The following MBNL1 variants were observed in gnomAD, a reference collection of about 807,000 sequenced individuals.
The protein encoded by MBNL1 is muscleblind like splicing regulator 1.
Under a neutral mutation model 42.2 loss-of-function variants are expected in MBNL1, and 8 were observed. The observed-to-expected ratio is 0.19, with a 90% CI of 0.11 to 0.34. MBNL1 has a LOEUF of 0.34. MBNL1 is among the 10% of genes least tolerant of loss of function. The pLI is 1.00. For missense variants in MBNL1, 309 were observed against 495.3 expected (o/e 0.62, Z 3.57); for synonymous variants, 169 against 173.9 (o/e 0.97, Z 0.22).
At chr3:152,425,752 G>A (rs1415927637) in intron 3 of MBNL1, among the ~76,000 whole-genome samples, 1 of 152,176 alleles carries the variant, frequency 6.6e-6, no homozygotes, top group Non-Finnish European at 1.5e-5. Flanking sequence ...TACACTGTTG[G>A]GAGTGTAAAT....
intron 2 of MBNL1, among the ~76,000 whole-genome samples, chr3:152,389,573 T>C (rs1005980740): frequency 6.6e-6 from 1 of 152,194 alleles, no homozygotes; most frequent in Non-Finnish European, 1.5e-5. Flanking sequence ...GTACTGCGTG[T>C]AACTGTACTG....
rs186773081 is a variant in MBNL1 at position 152,440,967 on chromosome 3, G to A, written c.550-4315G>A. 3.3e-5 allele frequency among the ~76,000 whole-genome samples: 5 copies of A among 152,236 alleles called. No individual in the cohort carries two copies. The East Asian group carries it at 5.8e-4, about 18-fold the overall frequency. ...CATGTAGCTATATGTCTTTGAATAC[G>A]TTTCTTAATATTGGCCATTAACTAT... On this transcript the variant is annotated intron_variant, in intron 4 of 9. Transcript: ENST00000324210.
At chr3:152,351,645 G>T (rs2095010151) in intron 2 of MBNL1, among the ~76,000 whole-genome samples, 1 of 152,080 alleles carries the variant, frequency 6.6e-6, no homozygotes, top group Admixed American at 6.6e-5. Context: ...AAGGTAGTGG[G>T]CTTGAAGTCA....
At chr3:152,283,364 C>T (rs1426840865) in intron 1 of MBNL1, among the ~76,000 whole-genome samples, 1 of 152,114 alleles carries the variant, frequency 6.6e-6, no homozygotes, top group Non-Finnish European at 1.5e-5. Flanking sequence ...GTAAAGTGCA[C>T]ATCAGATAGG....
chr3:152,438,725 T>C (rs2099109979), intron 4 of MBNL1, among the ~76,000 whole-genome samples: 1 of 152,264 alleles, frequency 6.6e-6, no homozygotes, highest in African/African-American at 2.4e-5. Flanking sequence ...CACTAAAAGA[T>C]ACTAGCATCT....
At chr3:152,429,769 A>G (rs1041714966) in intron 3 of MBNL1, among the ~76,000 whole-genome samples, 2 of 152,018 alleles carry the variant, frequency 1.3e-5, no homozygotes, top group African/African-American at 2.4e-5. Flanking sequence ...AAAATTTAAA[A>G]TAAATGAAGG....
chr3:152,290,031 T>C (rs2054953340), intron 1 of MBNL1, among the ~76,000 whole-genome samples: 1 of 152,078 alleles, frequency 6.6e-6, no homozygotes, highest in African/African-American at 2.4e-5. Flanking sequence ...TTTTCTATAC[T>C]TTTTTTCATA....
At chr3:152,418,140 T>G (rs137968342) in intron 3 of MBNL1, among the ~76,000 whole-genome samples, 88 of 152,328 alleles carry the variant, frequency 5.8e-4, no homozygotes, top group South Asian at 8.3e-4. Flanking sequence ...TTTACTGCAC[T>G]TGGCACTTTT....
intron 2 of MBNL1, among the ~76,000 whole-genome samples, chr3:152,402,990 A>C (rs2098292724): frequency 6.6e-6 from 1 of 152,214 alleles, no homozygotes; most frequent in Admixed American, 6.5e-5. Flanking sequence ...AGGAAGATAC[A>C]ACAACTATTT....
intron 2 of MBNL1, among the ~76,000 whole-genome samples, chr3:152,329,463 C>G (rs1293796738): frequency 2.0e-5 from 3 of 150,470 alleles, no homozygotes; most frequent in Non-Finnish European, 4.4e-5. Context: ...TCTGTCTCTA[C>G]CAAAAAGAAA....
intron 1 of MBNL1, among the ~76,000 whole-genome samples, chr3:152,282,832 C>T (rs141626023): frequency 4.7e-4 from 71 of 152,136 alleles, no homozygotes; most frequent in Non-Finnish European, 9.9e-4. Flanking sequence ...CAATGCTTTA[C>T]AATTAAACAA....
intron 1 of MBNL1, among the ~76,000 whole-genome samples, chr3:152,296,343 G>A (rs1230134225): frequency 6.6e-6 from 1 of 152,202 alleles, no homozygotes; most frequent in African/African-American, 2.4e-5. Flanking sequence ...GAATGACTGA[G>A]TCAAGGTGGA....
chr3:152,431,323 A>G (rs961704954), intron 3 of MBNL1, among the ~76,000 whole-genome samples: 13 of 152,118 alleles, frequency 8.5e-5, no homozygotes, highest in African/African-American at 2.4e-4. Flanking sequence ...TCAGTTGAAA[A>G]CCACTGCCCT....
chr3:152,325,088 C>CCCCCA (rs2078842780), intron 2 of MBNL1, among the ~76,000 whole-genome samples: 1 of 45,758 alleles, frequency 2.2e-5, no homozygotes, highest in African/African-American at 7.5e-5. Context: ...CACATACCCG[C>CCCCCA]CCCCCCCCGC....
In MBNL1 at chr3:152,369,159, G is replaced by A. The variant is rs2096553680; in HGVS notation, c.175-45782G>A. Among the ~76,000 whole-genome samples the A allele has an allele frequency of 3.3e-5, 5 of 152,226 alleles. No homozygotes were observed. In the South Asian group the frequency reaches 1.0e-3, roughly 32 times the overall value. On this transcript the variant is annotated intron_variant, in intron 2 of 9. Coordinates refer to ENST00000324210, the MANE Select transcript of MBNL1 (RefSeq NM_021038.5). ...ATTGGTTGTGGGTTTGTCATAAATA[G>A]CTCTTATTATTTTGAGATACATTCA...
intron 2 of MBNL1, 24 bp downstream of exon 2, chr3:152,300,391 A>G: frequency 1.3e-6 from 2 of 1,589,312 alleles, no homozygotes; most frequent in Middle Eastern, 3.3e-4. Flanking sequence ...ATATTCTTTT[A>G]AGGATATTCA....
In MBNL1 at chr3:152,465,311, T is replaced by C. The variant is rs1188299753; in HGVS notation, c.*2945T>C. 1 of 152,362 alleles carries C rather than the reference T, an allele frequency of 6.6e-6. No individual in the cohort carries two copies. The highest frequency in any genetic ancestry group is 1.5e-5 in the Non-Finnish European group (1 of 68,034). The allele number at this position is 152,362 out of a possible 1,614,324, so 9.4% of individuals were successfully genotyped here. A position where few individuals can be genotyped will look rare whatever the true frequency, so the allele number is the denominator to read the frequency against. ...AAAAATCTTCAAAACAAGTATTGAC[T>C]TTCACAAAATTTAAATCATAAACAG... On this transcript the variant is annotated 3_prime_UTR_variant, in exon 10 of 10. Transcript: ENST00000324210.
chr3:152,385,369 A>G (rs1402598654), intron 2 of MBNL1, among the ~76,000 whole-genome samples: 2 of 152,014 alleles, frequency 1.3e-5, no homozygotes, highest in South Asian at 2.1e-4. Flanking sequence ...ACTTTGTAAT[A>G]TTTTAGTTCT....
intron 2 of MBNL1, among the ~76,000 whole-genome samples, chr3:152,307,122 T>TACA (rs2063583135): frequency 6.6e-6 from 1 of 152,138 alleles, no homozygotes; most frequent in Non-Finnish European, 1.5e-5. Context: ...CCCGAGTAGC[T>TACA]GGTCCTACAG....
Sources: allele counts gnomAD v4.1 joint callset (sites outside exome capture counted in the v4.1 genomes callset), GRCh38; gene constraint gnomAD v4.1.1; transcripts MANE v1.5; gene names NCBI Gene and HGNC (gene_info 2026-07-23, HGNC 2026-07-21).